EYS: variants seen among roughly 807,000 people sequenced by gnomAD.
EYS encodes the protein protein eyes shut homolog.
EYS carries 250 observed loss-of-function variants against 282.1 expected under a neutral mutation model. The observed-to-expected ratio is 0.89, with a 90% CI of 0.80 to 0.98. The LOEUF (loss-of-function observed/expected upper bound fraction) is 0.98, where lower values mean the gene tolerates loss of function less well. EYS is among the 50% of genes least tolerant of loss of function. The pLI is 0.00. For missense variants in EYS, 4,016 were observed against 3,709.0 expected (o/e 1.08, Z -2.15); for synonymous variants, 1,355 against 1,282.9 (o/e 1.06, Z -1.20).
At chr6:64,467,267 C>T (rs1718016727) in intron 26 of EYS, among the ~76,000 whole-genome samples, 1 of 151,960 alleles carries the variant, frequency 6.6e-6, no homozygotes, top group African/African-American at 2.4e-5. Flanking sequence ...ATTTTGCAGT[C>T]TGAAAATTCC....
At chr6:64,243,415 T>C (rs1766901408) in intron 30 of EYS, among the ~76,000 whole-genome samples, 1 of 152,208 alleles carries the variant, frequency 6.6e-6, no homozygotes, top group Non-Finnish European at 1.5e-5. Context: ...CTCTGTATAG[T>C]CATTCAGCCA....
chr6:64,327,008 A>AT (rs1285703512), intron 29 of EYS, among the ~76,000 whole-genome samples: 2 of 152,114 alleles, frequency 1.3e-5, no homozygotes, highest in African/African-American at 4.8e-5. Flanking sequence ...CCAGATGTGG[A>AT]TGGGGCCCAC....
intron 22 of EYS, among the ~76,000 whole-genome samples, chr6:64,664,104 T>C (rs1404354517): frequency 1.3e-5 from 2 of 152,192 alleles, no homozygotes; most frequent in East Asian, 3.9e-4. Flanking sequence ...CGGCGAGTGA[T>C]AACTCAGCTC....
chr6:65,682,894 A>G (rs1057279234), intron 1 of EYS, among the ~76,000 whole-genome samples: 33 of 152,006 alleles, frequency 2.2e-4, no homozygotes, highest in African/African-American at 8.0e-4. Context: ...GGCTAGAATT[A>G]CCTGGAAATA....
intron 2 of EYS, among the ~76,000 whole-genome samples, chr6:65,622,369 A>G (rs1008123355): frequency 2.0e-5 from 3 of 152,058 alleles, no homozygotes; most frequent in African/African-American, 7.2e-5. Flanking sequence ...CTTTTTATAA[A>G]TTTTCTGATT....
chr6:65,085,808 G>C (rs985526264), intron 12 of EYS, among the ~76,000 whole-genome samples: 1 of 151,918 alleles, frequency 6.6e-6, no homozygotes, highest in Non-Finnish European at 1.5e-5. Flanking sequence ...GGACCATTTA[G>C]TTTATTTTTC....
intron 33 of EYS, among the ~76,000 whole-genome samples, chr6:64,053,565 A>G (rs79264089): frequency 6.6e-6 from 1 of 152,142 alleles, no homozygotes. Context: ...ATGTGCCTCA[A>G]TGTTGTCTTC....
intron 29 of EYS, among the ~76,000 whole-genome samples, chr6:64,316,114 C>T (rs754104184): frequency 1.3e-5 from 2 of 152,146 alleles, no homozygotes; most frequent in African/African-American, 2.4e-5. Flanking sequence ...CAATATCATA[C>T]TGAATGGGCA....
chr6:65,240,452 G>A (rs774699487), intron 12 of EYS, among the ~76,000 whole-genome samples: 57 of 151,934 alleles, frequency 3.8e-4, no homozygotes, highest in Non-Finnish European at 2.2e-4. Context: ...ACCCTCTCTA[G>A]TAGCTCCCTG....
intron 31 of EYS, among the ~76,000 whole-genome samples, chr6:64,142,733 T>C (rs1003372684): frequency 6.6e-6 from 1 of 152,184 alleles, no homozygotes; most frequent in Non-Finnish European, 1.5e-5. Context: ...AGAACTGTTA[T>C]GTTGCTTCAC....
intron 26 of EYS, among the ~76,000 whole-genome samples, chr6:64,578,855 G>A (rs1282084767): frequency 6.6e-6 from 1 of 152,008 alleles, no homozygotes; most frequent in Non-Finnish European, 1.5e-5. Flanking sequence ...ACACTGTTGA[G>A]GGGTTTAAGT....
chr6:65,132,061 T>C (rs942554048), intron 12 of EYS, among the ~76,000 whole-genome samples: 2 of 151,924 alleles, frequency 1.3e-5, no homozygotes, highest in Admixed American at 6.6e-5. Context: ...AGCTCTGAAA[T>C]TGAATCAATA....
intron 29 of EYS, among the ~76,000 whole-genome samples, chr6:64,358,464 G>A (rs551440614): frequency 6.6e-6 from 1 of 151,610 alleles, no homozygotes; most frequent in Non-Finnish European, 1.5e-5. Context: ...TGTGGTCTGA[G>A]TAGCTTCATG....
chr6:64,522,610 G>A (rs1009224777), intron 26 of EYS, among the ~76,000 whole-genome samples: 4 of 151,696 alleles, frequency 2.6e-5, no homozygotes, highest in Non-Finnish European at 5.9e-5. Context: ...ATATGAAATT[G>A]GGGAATCCGG....
In EYS at chr6:65,511,100, G is replaced by A. The variant is rs533925031; in HGVS notation, c.-332-15107C>T. Among the ~76,000 whole-genome samples, 78 of 152,110 alleles carry A rather than the reference G, an allele frequency of 5.1e-4. No homozygotes were observed. In the Middle Eastern group the frequency reaches 0.017, roughly 33 times the overall value. ...AGATTCCAATTCCATTCTCACAGTCGTGCAATAAAATTGACAAACAGTAAC... is the reference window on the plus strand; with the variant it reads ...AGATTCCAATTCCATTCTCACAGTCATGCAATAAAATTGACAAACAGTAAC... On this transcript the variant is annotated intron_variant, in intron 2 of 42. Transcript: ENST00000503581.
intron 12 of EYS, among the ~76,000 whole-genome samples, chr6:65,271,075 G>C (rs142015998): frequency 7.5e-6 from 1 of 133,682 alleles, no homozygotes; most frequent in African/African-American, 2.7e-5. Flanking sequence ...ACATCCCACC[G>C]TCTCGATACC....
intron 40 of EYS, among the ~76,000 whole-genome samples, chr6:63,766,568 GT>G (rs1228347701): frequency 6.6e-6 from 1 of 152,068 alleles, no homozygotes; most frequent in African/African-American, 2.4e-5. Context: ...GCTTTGGTAA[GT>G]GTGTTAGTAT....
intron 26 of EYS, among the ~76,000 whole-genome samples, chr6:64,529,035 ATCCT>A (rs1778014039): frequency 4.6e-5 from 7 of 152,038 alleles, no homozygotes; most frequent in Admixed American, 4.6e-4. Flanking sequence ...AATCTATTAG[ATCCT>A]AAAACGGTTT....
In EYS at chr6:64,310,077, A is replaced by T. The variant is rs1278050566; in HGVS notation, c.6079-2995T>A. 6.7e-5 allele frequency among the ~76,000 whole-genome samples: 9 copies of T among 133,888 alleles called. 1 individual carries two copies. In the South Asian group the frequency reaches 2.0e-3, roughly 30 times the overall value. 87.8% of individuals were successfully genotyped at this position (133,888 alleles called of 152,430 possible). A position where few individuals can be genotyped will look rare whatever the true frequency, so the allele number is the denominator to read the frequency against. ...ATTAAAAGTAAAAAAAATAAAAAAA[A>T]AAATAACAGATGCTGGCAAGATTGT... is the stretch of plus-strand genomic sequence containing the variant. On this transcript the variant is annotated intron_variant, in intron 29 of 42. Transcript: ENST00000503581.
Sources: gnomAD v4.1 joint callset for allele counts (sites outside exome capture counted in the v4.1 genomes callset) on GRCh38, gnomAD v4.1.1 for gene constraint, MANE v1.5 for transcripts, NCBI Gene and HGNC (gene_info 2026-07-23, HGNC 2026-07-21) for gene names.